Variants in PHYHIPL observed in about 807,000 individuals in gnomAD.
PHYHIPL encodes the protein phytanoyl-CoA hydroxylase-interacting protein-like.
Under a neutral mutation model 33.4 loss-of-function variants are expected in PHYHIPL, and 9 were observed. The observed-to-expected ratio is 0.27, with a 90% CI of 0.16 to 0.47. PHYHIPL has a LOEUF of 0.47. Among genes scored for constraint, PHYHIPL ranks in the 20% least tolerant of loss-of-function variants. The pLI is 0.99. For missense variants in PHYHIPL, 365 were observed against 460.7 expected (o/e 0.79, Z 1.90); for synonymous variants, 153 against 154.1 (o/e 0.99, Z 0.05).
chr10:59,208,237 A>G (rs1299185006), intron 1 of PHYHIPL, among the ~76,000 whole-genome samples: 3 of 152,198 alleles, frequency 2.0e-5, no homozygotes, highest in Non-Finnish European at 2.9e-5. Flanking sequence ...ACAGGCAGCA[A>G]TCTTTGCTGT....
chr10:59,220,807 T>C (rs1839748696), intron 1 of PHYHIPL, among the ~76,000 whole-genome samples: 1 of 152,100 alleles, frequency 6.6e-6, no homozygotes, highest in South Asian at 2.1e-4. Flanking sequence ...ATCAGTTATT[T>C]GACATTGGGC....
At chr10:59,243,236 TG>T (rs1840474972) in intron 4 of PHYHIPL, among the ~76,000 whole-genome samples, 7 of 151,884 alleles carry the variant, frequency 4.6e-5, no homozygotes, top group African/African-American at 7.3e-5. Context: ...CAAAAGAAAG[TG>T]ACACAATATT....
At chr10:59,207,524 C>T (rs112212718) in intron 1 of PHYHIPL, among the ~76,000 whole-genome samples, 3 of 152,146 alleles carry the variant, frequency 2.0e-5, no homozygotes, top group South Asian at 2.1e-4. Flanking sequence ...CAGAGCCCAC[C>T]GCAGCTCAGC....
chr10:59,223,457 G>C (rs1839835027), intron 1 of PHYHIPL, among the ~76,000 whole-genome samples: 1 of 150,812 alleles, frequency 6.6e-6, no homozygotes, highest in African/African-American at 2.5e-5. Flanking sequence ...CTTGTTGTCT[G>C]TTTATTTCAA....
At chr10:59,199,235 A>G (rs1223414544) in intron 1 of PHYHIPL, among the ~76,000 whole-genome samples, 1 of 152,176 alleles carries the variant, frequency 6.6e-6, no homozygotes, top group Non-Finnish European at 1.5e-5. Context: ...ATTTTTATAT[A>G]AGATATAAGG....
At chr10:59,178,790 G>A (rs993593653) in intron 1 of PHYHIPL, among the ~76,000 whole-genome samples, 2 of 152,088 alleles carry the variant, frequency 1.3e-5, no homozygotes, top group East Asian at 1.9e-4. Flanking sequence ...ATCCCCTAGA[G>A]GAGTAGCTAT....
intron 4 of PHYHIPL, among the ~76,000 whole-genome samples, chr10:59,244,562 CAAAAAAAA>C (rs71006239): frequency 2.5e-4 from 10 of 39,556 alleles, no homozygotes; most frequent in East Asian, 1.0e-3. Context: ...GACTCTGTCT[CAAAAAAAA>C]AAAAAAAAAA....
chr10:59,229,926 A>G (rs1840029297), intron 1 of PHYHIPL, among the ~76,000 whole-genome samples: 1 of 152,196 alleles, frequency 6.6e-6, no homozygotes, highest in Non-Finnish European at 1.5e-5. Context: ...GGACTCAAAT[A>G]TAGAATTATG....
Position 59,176,829 on chromosome 10 carries a change from G to A in PHYHIPL, c.-25G>A, listed in dbSNP as rs1354912029. The A allele has an allele frequency of 1.9e-6, 3 of 1,598,026 alleles. No individual in the cohort carries two copies. The South Asian group carries it at 3.4e-5, about 18-fold the overall frequency. ...CAGAGAGAGCCTGGATACGAAGCAGGCGGGCTTCAGAGTGGGTTGGAAAAA... is the reference window on the plus strand; with the variant it reads ...CAGAGAGAGCCTGGATACGAAGCAGACGGGCTTCAGAGTGGGTTGGAAAAA... On this transcript the variant is annotated 5_prime_UTR_variant, in exon 1 of 5. Coordinates refer to ENST00000373880, the MANE Select transcript of PHYHIPL (RefSeq NM_032439.4).
At chr10:59,235,139 T>C (rs779198901) in intron 2 of PHYHIPL, among the ~76,000 whole-genome samples, 1 of 151,926 alleles carries the variant, frequency 6.6e-6, no homozygotes, top group East Asian at 1.9e-4. Flanking sequence ...AAAAACACTT[T>C]AGGGCTAAAA....
rs116190899 is a variant in PHYHIPL, at chr10:59,225,873, G to C, written c.107-8431G>C. On this transcript the variant is annotated intron_variant, in intron 1 of 4. Transcript: ENST00000373880. ...TAGACCTAAAAACAAGAAGTTTCTAGGTCTTCCATATGATGAAAAAACAAA... is the reference window on the plus strand; with the variant it reads ...TAGACCTAAAAACAAGAAGTTTCTACGTCTTCCATATGATGAAAAAACAAA... 9.5e-3 allele frequency among the ~76,000 whole-genome samples: 1,448 copies of C among 151,768 alleles called. 5 individuals carry two copies. The highest frequency in any genetic ancestry group is 0.021 in the Admixed American group (314 of 15,256).
Position 59,247,010 on chromosome 10 carries a change from G to A in PHYHIPL, c.*1419G>A, listed in dbSNP as rs539660476. ...CCAGAAATGTAAAATTTCAAATAACGGATAAAATAATGTGTTATTTTTATA... is the reference window on the plus strand; with the variant it reads ...CCAGAAATGTAAAATTTCAAATAACAGATAAAATAATGTGTTATTTTTATA... On this transcript the variant is annotated 3_prime_UTR_variant, in exon 5 of 5. Transcript: ENST00000373880. 1.1e-3 allele frequency: 183 copies of A among 174,124 alleles called. No individual in the cohort carries two copies. Among genetic ancestry groups the A allele is most frequent in the African/African-American group, 4.2e-3 (172 of 41,274 alleles). The allele number at this position is 174,124 out of a possible 1,614,324, so 10.8% of individuals were successfully genotyped here.
chr10:59,210,767 C>T (rs1366979406), intron 1 of PHYHIPL, among the ~76,000 whole-genome samples: 4 of 152,158 alleles, frequency 2.6e-5, no homozygotes, highest in Non-Finnish European at 4.4e-5. Context: ...AGTTCACGTC[C>T]TTTGCAGGGA....
intron 1 of PHYHIPL, among the ~76,000 whole-genome samples, chr10:59,200,548 G>T (rs1365988652): frequency 6.6e-6 from 1 of 152,160 alleles, no homozygotes; most frequent in Non-Finnish European, 1.5e-5. Context: ...CCAGGCTTTG[G>T]TATCAGGATG....
intron 1 of PHYHIPL, among the ~76,000 whole-genome samples, chr10:59,185,347 C>T (rs1459925579): frequency 6.6e-6 from 1 of 152,212 alleles, no homozygotes; most frequent in Non-Finnish European, 1.5e-5. Flanking sequence ...GCCACATTTT[C>T]TTAATCCAGT....
At position 59,238,568 on chromosome 10, in the gene PHYHIPL, A is replaced by G. The variant is rs1362963901; in HGVS notation, c.479-20A>G. The G allele has an allele frequency of 2.8e-6, 4 of 1,405,078 alleles. No individual in the cohort carries two copies. The highest frequency in any genetic ancestry group is 1.8e-4 in the Middle Eastern group (1 of 5,614). The allele number at this position is 1,405,078 out of a possible 1,614,324, so 87.0% of individuals were successfully genotyped here. A position where few individuals can be genotyped will look rare whatever the true frequency, so the allele number is the denominator to read the frequency against. ...TTTGGTGCAATATTTTTAATAACAG[A>G]CTTTTTGGGTTTTTTCCAGACTATT... On this transcript the variant is annotated intron_variant, in intron 3 of 4. Coordinates refer to ENST00000373880, the MANE Select transcript of PHYHIPL (RefSeq NM_032439.4).
intron 4 of PHYHIPL, among the ~76,000 whole-genome samples, chr10:59,244,604 C>T (rs1420541888): frequency 2.4e-4 from 23 of 93,894 alleles, no homozygotes; most frequent in South Asian, 3.7e-4. Flanking sequence ...CAAAACACAA[C>T]GCTTTTGTGC....
intron 1 of PHYHIPL, among the ~76,000 whole-genome samples, chr10:59,193,658 A>G (rs2133203721): frequency 6.6e-6 from 1 of 152,198 alleles, no homozygotes; most frequent in East Asian, 1.9e-4. Context: ...CTTTTTGTTT[A>G]AGCTTAGATA....
At position 59,217,417 on chromosome 10, in the gene PHYHIPL, T is replaced by G. The variant is rs143126101; in HGVS notation, c.107-16887T>G. Among the ~76,000 whole-genome samples, 1,444 of 152,154 alleles carry G rather than the reference T, an allele frequency of 9.5e-3. 5 individuals carry two copies. The highest frequency in any genetic ancestry group is 0.021 in the Admixed American group (314 of 15,276). ...GTCAATAACTATTATGTATATATTT[T>G]TAAGATGCAAATTTTTGAATTTCTA... On this transcript the variant is annotated intron_variant, in intron 1 of 4. Coordinates refer to ENST00000373880, the MANE Select transcript of PHYHIPL (RefSeq NM_032439.4).
Sources: allele counts gnomAD v4.1 joint callset (sites outside exome capture counted in the v4.1 genomes callset), GRCh38; gene constraint gnomAD v4.1.1; transcripts MANE v1.5; gene names NCBI Gene and HGNC (gene_info 2026-07-23, HGNC 2026-07-21).